Variants in KANSL2 observed in about 807,000 individuals in gnomAD.
KANSL2 encodes NSL complex protein NSL2.
A neutral mutation model predicts 55.6 loss-of-function variants in KANSL2; 34 were observed. The observed-to-expected ratio is 0.61, with a 90% CI of 0.46 to 0.81. The LOEUF (loss-of-function observed/expected upper bound fraction) is 0.81, where lower values mean the gene tolerates loss of function less well. Among genes scored for constraint, KANSL2 ranks in the 40% least tolerant of loss-of-function variants. The pLI is 0.00. For missense variants in KANSL2, 502 were observed against 609.9 expected (o/e 0.82, Z 1.86); for synonymous variants, 209 against 214.3 (o/e 0.98, Z 0.22).
At chr12:48,672,397 A>G (rs1939734637) in intron 4 of KANSL2, among the ~76,000 whole-genome samples, 1 of 138,976 alleles carries the variant, frequency 7.2e-6, no homozygotes, top group African/African-American at 2.6e-5. Context: ...ATACATGTAT[A>G]TATATATATA....
In KANSL2 at chr12:48,679,740, G is replaced by A. The variant is rs1161929879; in HGVS notation, c.345C>T (p.Leu115=). ...KTNPGPVGET[L]LCQLSSYAKT... ...TAGCATATGAGCTCAGCTGGCACAG[G>A]AGTGTTTCACCCACAGGCCCTGGGT... The change falls in exon 3 of 10, where the codon CTC becomes CTT. Residue 115 remains leucine (L), a synonymous_variant. Transcript: ENST00000420613. 6.2e-7 allele frequency: 1 copy of A among 1,611,780 alleles called. No individual in the cohort carries two copies. The highest frequency in any genetic ancestry group is 1.7e-5 in the Admixed American group (1 of 59,682).
intron 7 of KANSL2, among the ~76,000 whole-genome samples, chr12:48,662,895 AAAAT>A (rs1165423255): frequency 5.5e-4 from 83 of 152,288 alleles, no homozygotes; most frequent in Non-Finnish European, 1.2e-4. Context: ...AAAAAAACAA[AAAAT>A]AAAAGAACAG....
rs376708483 is a variant in KANSL2, at chr12:48,660,436, C to A, written c.1157G>T (p.Gly386Val). The change falls in exon 8 of 10, where the codon GGC becomes GTC. Residue 386 changes from glycine (G) to valine (V), a missense_variant. Transcript: ENST00000420613. ...AGCACTCAAGTACAGATCCATGGGGCCGGCTTCCAGATCGTCTGGCACAGA... is the reference window on the plus strand; with the variant it reads ...AGCACTCAAGTACAGATCCATGGGGACGGCTTCCAGATCGTCTGGCACAGA... ...VLSVPDDLEAGPMDLYLSAAE... is the reference protein window; with the variant it reads ...VLSVPDDLEAVPMDLYLSAAE... The A allele has an allele frequency of 1.1e-4, 172 of 1,613,800 alleles. No homozygotes were observed. Among genetic ancestry groups the A allele is most frequent in the Non-Finnish European group, 1.4e-4 (168 of 1,179,872 alleles).
chr12:48,667,989 C>A (rs1015845859), intron 6 of KANSL2, among the ~76,000 whole-genome samples, 200 bp from the exon 7 acceptor site: 1 of 152,172 alleles, frequency 6.6e-6, no homozygotes, highest in African/African-American at 2.4e-5. Flanking sequence ...ATCCCAAATA[C>A]ACCTCTCCAT....
intron 5 of KANSL2, among the ~76,000 whole-genome samples, chr12:48,670,162 T>C (rs916277658): frequency 8.3e-5 from 12 of 144,148 alleles, no homozygotes; most frequent in Admixed American, 5.1e-4. Flanking sequence ...GATCACACAC[T>C]GCACTCCAGC....
In KANSL2 at chr12:48,671,785, G is replaced by C. The variant is rs151296451; in HGVS notation, c.709+14C>G. 4 of 1,601,138 alleles carry C rather than the reference G, an allele frequency of 2.5e-6. No individual in the cohort carries two copies. In the African/African-American group the frequency reaches 5.4e-5, roughly 22 times the overall value. Reference sequence around the variant, plus strand: ...AAACCCACAACAGCTTGTTGGAACTGGCATAAAACTTGCCTAGAGCTTCAT... The same window carrying C: ...AAACCCACAACAGCTTGTTGGAACTCGCATAAAACTTGCCTAGAGCTTCAT... On this transcript the variant is annotated intron_variant, in intron 5 of 9. Transcript: ENST00000420613.
intron 2 of KANSL2, among the ~76,000 whole-genome samples, chr12:48,680,887 G>A (rs1565610744): frequency 6.6e-6 from 1 of 151,918 alleles, no homozygotes; most frequent in Non-Finnish European, 1.5e-5. Flanking sequence ...CAGGAGAATC[G>A]CTTGAACCTG....
intron 8 of KANSL2, among the ~76,000 whole-genome samples, chr12:48,659,708 A>G (rs1489232607): frequency 6.6e-6 from 1 of 152,236 alleles, no homozygotes; most frequent in African/African-American, 2.4e-5. Flanking sequence ...AAAGTTCTTA[A>G]CAGTATATTC....
chr12:48,672,433 A>ATTTTTTTTTT (rs1555155470), intron 4 of KANSL2, among the ~76,000 whole-genome samples: 15 of 120,364 alleles, frequency 1.2e-4, no homozygotes, highest in African/African-American at 5.1e-4. Context: ...ATATATATAT[A>ATTTTTTTTTT]TTTTTTTTTT....
At chr12:48,655,651 A>G (rs1939365583) in intron 8 of KANSL2, among the ~76,000 whole-genome samples, 1 of 152,142 alleles carries the variant, frequency 6.6e-6, no homozygotes, top group Non-Finnish European at 1.5e-5. Flanking sequence ...AAGGGAAAGG[A>G]GAGAGTTACT....
intron 6 of KANSL2, among the ~76,000 whole-genome samples, chr12:48,668,048 C>G (rs970011804): frequency 2.0e-5 from 3 of 152,068 alleles, no homozygotes; most frequent in Non-Finnish European, 4.4e-5. Context: ...TGTCTTTTAC[C>G]AACAGAACTC....
chr12:48,670,998 T>C (rs1939702999), intron 5 of KANSL2, among the ~76,000 whole-genome samples: 1 of 151,964 alleles, frequency 6.6e-6, no homozygotes, highest in Non-Finnish European at 1.5e-5. Flanking sequence ...GCGCAGTGGC[T>C]CATGCCTGAA....
intron 7 of KANSL2, among the ~76,000 whole-genome samples, chr12:48,666,046 C>T (rs1236958267): frequency 6.6e-6 from 1 of 151,738 alleles, no homozygotes; most frequent in Admixed American, 6.6e-5. Context: ...CACAACCTCT[C>T]TACAAAAATT....
chr12:48,664,486 G>A (rs938066575), intron 7 of KANSL2, among the ~76,000 whole-genome samples: 1 of 151,296 alleles, frequency 6.6e-6, no homozygotes, highest in African/African-American at 2.4e-5. Context: ...TGCCGTGTTA[G>A]CCAGGATGGT....
chr12:48,676,477 G>A (rs1479576119), intron 4 of KANSL2, among the ~76,000 whole-genome samples: 1 of 152,090 alleles, frequency 6.6e-6, no homozygotes, highest in Non-Finnish European at 1.5e-5. Flanking sequence ...TGCCAACATG[G>A]AGAAACCCCG....
intron 8 of KANSL2, among the ~76,000 whole-genome samples, 162 bp downstream of exon 8, chr12:48,660,204 T>G (rs1353519269): frequency 6.6e-6 from 1 of 152,206 alleles, no homozygotes; most frequent in African/African-American, 2.4e-5. Context: ...GTAGGGTAGA[T>G]TTCTCTAAAT....
chr12:48,663,809 T>A (rs770121577), intron 7 of KANSL2, among the ~76,000 whole-genome samples: 4 of 152,086 alleles, frequency 2.6e-5, no homozygotes, highest in Non-Finnish European at 5.9e-5. Context: ...AATCAAAAAT[T>A]ATATACAAAT....
rs1183265810 is a variant in KANSL2, at chr12:48,679,709, C to CGAA, written c.375_376insTTC (p.Thr125_Glu126insPhe). On this transcript the variant is annotated inframe_insertion, in exon 3 of 10. Transcript: ENST00000420613. The stretch of plus-strand genomic sequence containing the variant: ...CTTTCTGGAGTCTGAGACCCCAGCT[C>CGAA]TGTCTTAGCATATGAGCTCAGCTGG... 6 of 1,613,254 alleles carry CGAA rather than the reference C, an allele frequency of 3.7e-6. No homozygotes were observed. In the Admixed American group the frequency reaches 5.0e-5, roughly 13 times the overall value.
chr12:48,671,501 A>T (rs1939712592), intron 5 of KANSL2, among the ~76,000 whole-genome samples: 2 of 152,156 alleles, frequency 1.3e-5, no homozygotes, highest in Non-Finnish European at 2.9e-5. Context: ...GCCCATTTTT[A>T]AAATCTTTTA....
Sources: allele counts gnomAD v4.1 joint callset (sites outside exome capture counted in the v4.1 genomes callset), GRCh38; gene constraint gnomAD v4.1.1; transcripts MANE v1.5; gene names NCBI Gene and HGNC (gene_info 2026-07-23, HGNC 2026-07-21).